The following WARS2 variants were observed in gnomAD, a reference collection of about 807,000 sequenced individuals.
WARS2 encodes tryptophan--tRNA ligase, mitochondrial.
In WARS2, 28 loss-of-function variants were observed where a neutral mutation model predicts 36.5. The observed-to-expected ratio is 0.77, with a 90% CI of 0.57 to 1.05. The LOEUF is 1.05. Among genes scored for constraint, WARS2 ranks in the 50% least tolerant of loss-of-function variants. The pLI, the probability that WARS2 is intolerant of heterozygous loss-of-function variation, is 0.00. For synonymous variants in WARS2, 174 were observed against 178.4 expected, an observed-to-expected ratio of 0.98 and a Z score of 0.20; for missense variants, 435 against 456.8, an observed-to-expected ratio of 0.95 and a Z score of 0.44.
intron 1 of WARS2, among the ~76,000 whole-genome samples, chr1:119,135,034 A>G (rs1656387863): frequency 1.3e-5 from 2 of 152,202 alleles, no homozygotes; most frequent in South Asian, 4.1e-4. Context: ...AAAAGGAAAG[A>G]AAGTTGTTTG....
intron 1 of WARS2, among the ~76,000 whole-genome samples, chr1:119,126,245 C>T (rs974614831): frequency 6.9e-5 from 10 of 144,688 alleles, no homozygotes; most frequent in African/African-American, 2.6e-4. Flanking sequence ...TCACTTATAC[C>T]CCTTAATAGC....
chr1:119,073,328 C>CA (rs775278766), intron 2 of WARS2, among the ~76,000 whole-genome samples: 3 of 151,862 alleles, frequency 2.0e-5, no homozygotes, highest in Non-Finnish European at 4.4e-5. Flanking sequence ...TAAAATATCC[C>CA]ATCCATCCAT....
At chr1:119,090,143 A>T (rs1652944886) in intron 1 of WARS2, among the ~76,000 whole-genome samples, 1 of 152,002 alleles carries the variant, frequency 6.6e-6, no homozygotes, top group South Asian at 2.1e-4. Context: ...AAAAAAAAAG[A>T]ATTATAAGCA....
At chr1:119,127,595 C>A (rs181610140) in intron 1 of WARS2, among the ~76,000 whole-genome samples, 24 of 152,276 alleles carry the variant, frequency 1.6e-4, no homozygotes, top group Admixed American at 1.2e-3. Context: ...CATATACAAA[C>A]CCACTAACCT....
At chr1:119,034,837 G>A (rs1314841061) in intron 4 of WARS2, among the ~76,000 whole-genome samples, 1 of 152,150 alleles carries the variant, frequency 6.6e-6, no homozygotes, top group Non-Finnish European at 1.5e-5. Flanking sequence ...AAAAAAGCAA[G>A]TTGGAGAAAA....
At chr1:119,065,774 A>G (rs1650793070) in intron 2 of WARS2, among the ~76,000 whole-genome samples, 1 of 152,232 alleles carries the variant, frequency 6.6e-6, no homozygotes, top group African/African-American at 2.4e-5. Context: ...AGGCATTTCA[A>G]GGAAAACAAC....
At position 119,140,586 on chromosome 1, in the gene WARS2, T is replaced by C. The variant is rs1045454024; in HGVS notation, c.59A>G (p.His20Arg). Residue 20 changes from histidine to arginine, a missense_variant, in exon 1 of 6, where the codon CAT becomes CGT. Transcript: ENST00000235521. ...RERWSFIRALHKGSAAAPALQ... is the reference protein window; with the variant it reads ...RERWSFIRALRKGSAAAPALQ... ...AGCGGGAGCAGCTGCGGATCCCTTATGAAGTGCCCGGATGAAGCTCCAGCG... is the reference window on the plus strand; with the variant it reads ...AGCGGGAGCAGCTGCGGATCCCTTACGAAGTGCCCGGATGAAGCTCCAGCG... 1.2e-6 allele frequency: 2 copies of C among 1,613,826 alleles called. No individual in the cohort carries two copies. The highest frequency in any genetic ancestry group is 2.7e-5 in the African/African-American group (2 of 74,952).
chr1:119,092,722 A>C (rs1270320260), intron 1 of WARS2, among the ~76,000 whole-genome samples: 1 of 152,228 alleles, frequency 6.6e-6, no homozygotes, highest in Non-Finnish European at 1.5e-5. Context: ...ACCTGAAATA[A>C]AAATTTTAAT....
At chr1:119,067,015 G>A (rs1430989099) in intron 2 of WARS2, among the ~76,000 whole-genome samples, 2 of 152,136 alleles carry the variant, frequency 1.3e-5, no homozygotes. Context: ...CAGGAAAATG[G>A]ATAAACTGTT....
rs530838575 is a variant in WARS2, at chr1:119,059,249, G to C, written c.349-13587C>G. Among the ~76,000 whole-genome samples, 538 of 151,906 alleles carry C rather than the reference G, an allele frequency of 3.5e-3. 1 individual carries two copies. Among genetic ancestry groups the C allele is most frequent in the Non-Finnish European group, 5.8e-3 (392 of 67,926 alleles). On this transcript the variant is annotated intron_variant, in intron 2 of 5. Coordinates refer to ENST00000235521, the MANE Select transcript of WARS2 (RefSeq NM_015836.4). ...GGTTGTGAAAATTTTCTCCCATTTT[G>C]TAGGTTGCCTGTTCACTCTGATGGT...
intron 3 of WARS2, 100 bp downstream of exon 3, chr1:119,045,482 T>C (rs908096012): frequency 2.1e-6 from 2 of 970,008 alleles, no homozygotes; most frequent in Non-Finnish European, 3.2e-6. Flanking sequence ...CATTAGTGAG[T>C]GGCAGACCAG....
intron 1 of WARS2, among the ~76,000 whole-genome samples, chr1:119,091,939 C>G (rs1653078071): frequency 6.6e-6 from 1 of 152,188 alleles, no homozygotes. Flanking sequence ...ACACAGAAAA[C>G]AGGCAGTGCT....
At chr1:119,057,462 T>G (rs1001482630) in intron 2 of WARS2, among the ~76,000 whole-genome samples, 2 of 151,892 alleles carry the variant, frequency 1.3e-5, no homozygotes, top group Non-Finnish European at 2.9e-5. Context: ...TACCTTTGTT[T>G]GTGAAATGTC....
chr1:119,062,401 G>A (rs1650458137), intron 2 of WARS2, among the ~76,000 whole-genome samples: 1 of 151,994 alleles, frequency 6.6e-6, no homozygotes, highest in African/African-American at 2.4e-5. Context: ...TTAAAACAGT[G>A]GTTTCCAAAA....
At chr1:119,134,031 G>T (rs947882116) in intron 1 of WARS2, among the ~76,000 whole-genome samples, 1 of 151,764 alleles carries the variant, frequency 6.6e-6, no homozygotes, top group Admixed American at 6.6e-5. Context: ...TGTTTTACAA[G>T]GTAAATGTTA....
chr1:119,120,525 T>C (rs1180818160), intron 1 of WARS2, among the ~76,000 whole-genome samples: 1 of 151,874 alleles, frequency 6.6e-6, no homozygotes, highest in Non-Finnish European at 1.5e-5. Context: ...AAGATAAAGA[T>C]GGAATCCTCC....
intron 1 of WARS2, among the ~76,000 whole-genome samples, chr1:119,094,017 G>A (rs903179103): frequency 6.6e-6 from 1 of 152,154 alleles, no homozygotes; most frequent in African/African-American, 2.4e-5. Flanking sequence ...GAGGCAGGAA[G>A]CATTATTACA....
chr1:119,075,163 TAC>T (rs1347036465), intron 2 of WARS2, among the ~76,000 whole-genome samples: 2 of 151,942 alleles, frequency 1.3e-5, no homozygotes, highest in African/African-American at 4.8e-5. Context: ...TGTATATATA[TAC>T]ATATATATGA....
chr1:119,037,421 T>G (rs1308381028), intron 4 of WARS2, among the ~76,000 whole-genome samples: 1 of 152,216 alleles, frequency 6.6e-6, no homozygotes, highest in Non-Finnish European at 1.5e-5. Context: ...TTTTCTACTT[T>G]TTTGGCTGTG....
Sources: allele counts gnomAD v4.1 joint callset (sites outside exome capture counted in the v4.1 genomes callset), GRCh38; gene constraint gnomAD v4.1.1; transcripts MANE v1.5; gene names NCBI Gene and HGNC (gene_info 2026-07-23, HGNC 2026-07-21).